The following CRACD variants were observed in gnomAD, a reference collection of about 807,000 sequenced individuals.
CRACD encodes the protein capping protein inhibiting regulator of actin dynamics, also known as capping protein-inhibiting regulator of actin dynamics.
Under a neutral mutation model 106.8 loss-of-function variants are expected in CRACD, and 56 were observed. The observed-to-expected ratio is 0.52, with a 90% CI of 0.42 to 0.66. The LOEUF (loss-of-function observed/expected upper bound fraction) is 0.66. Ranked by LOEUF, CRACD falls within the 30% of genes least tolerant of loss-of-function variation. The pLI, the probability that CRACD is intolerant of heterozygous loss-of-function variation, is 0.00. For synonymous variants in CRACD, 754 were observed against 670.8 expected (o/e 1.12, Z -1.92); for missense variants, 1,730 against 1,623.2 (o/e 1.07, Z -1.13).
chr4:56,188,641 CTCTCTCTA>C (rs1257742189), intron 2 of CRACD, among the ~76,000 whole-genome samples: 12 of 146,580 alleles, frequency 8.2e-5, no homozygotes, highest in African/African-American at 3.1e-4. Flanking sequence ...CTCTCTCTCT[CTCTCTCTA>C]TCTCTCTATT....
chr4:56,274,403 G>A (rs1742552566), intron 3 of CRACD, among the ~76,000 whole-genome samples: 1 of 152,126 alleles, frequency 6.6e-6, no homozygotes, highest in Non-Finnish European at 1.5e-5. Flanking sequence ...CATCCTTTTT[G>A]TAGTATAGTA....
At chr4:56,173,096 T>C (rs1011246497) in intron 1 of CRACD, among the ~76,000 whole-genome samples, 12 of 152,230 alleles carry the variant, frequency 7.9e-5, no homozygotes, top group Admixed American at 2.6e-4. Flanking sequence ...AAATTTGAAA[T>C]GCAGGCAACT....
intron 1 of CRACD, among the ~76,000 whole-genome samples, chr4:56,164,011 T>C (rs1038170120): frequency 2.6e-5 from 4 of 152,114 alleles, no homozygotes; most frequent in Non-Finnish European, 5.9e-5. Context: ...CCTCCCAAAG[T>C]GCTGGGATTA....
intron 1 of CRACD, among the ~76,000 whole-genome samples, chr4:56,155,106 G>A (rs1735723486): frequency 1.3e-5 from 2 of 151,974 alleles, no homozygotes; most frequent in Admixed American, 6.6e-5. Flanking sequence ...AATCTTAGTG[G>A]CTTGCAAGAA....
chr4:56,064,585 T>G (rs918401836), intron 1 of CRACD, among the ~76,000 whole-genome samples: 9 of 152,194 alleles, frequency 5.9e-5, no homozygotes, highest in Non-Finnish European at 1.0e-4. Context: ...GTCTCCCACC[T>G]TCTCTGGGAA....
intron 1 of CRACD, among the ~76,000 whole-genome samples, chr4:56,176,431 CT>C (rs3036818): frequency 5.5e-4 from 76 of 137,188 alleles, no homozygotes; most frequent in Middle Eastern, 3.7e-3. Flanking sequence ...CTTCCAATTT[CT>C]TTTTTTTTTT....
chr4:56,127,097 A>G (rs1455388112), intron 1 of CRACD, among the ~76,000 whole-genome samples: 1 of 152,094 alleles, frequency 6.6e-6, no homozygotes, highest in East Asian at 1.9e-4. Context: ...TGCTCTTATG[A>G]AAGGGCTTGA....
chr4:56,049,400 C>G (rs1181702200), intron 1 of CRACD, 101 bp downstream of exon 1: 1 of 152,046 alleles, frequency 6.6e-6, no homozygotes, highest in Non-Finnish European at 1.5e-5. Context: ...CCGCAGCGCC[C>G]CGGGACTCCA....
intron 2 of CRACD, among the ~76,000 whole-genome samples, chr4:56,269,476 C>CAG (rs889322064): frequency 1.1e-4 from 17 of 151,704 alleles, no homozygotes; most frequent in African/African-American, 4.1e-4. Context: ...GGGGAGGCTT[C>CAG]AGAGAGCTCT....
intron 1 of CRACD, among the ~76,000 whole-genome samples, chr4:56,167,300 G>A (rs182058288): frequency 5.9e-5 from 9 of 152,276 alleles, no homozygotes; most frequent in African/African-American, 1.4e-4. Flanking sequence ...GTTATTTTAA[G>A]AGAAAACAGA....
intron 2 of CRACD, among the ~76,000 whole-genome samples, chr4:56,267,035 GTC>G (rs1742060931): frequency 6.6e-6 from 1 of 152,046 alleles, no homozygotes; most frequent in Non-Finnish European, 1.5e-5. Flanking sequence ...TAATTTCTGA[GTC>G]TTTTCAGGAA....
intron 6 of CRACD, among the ~76,000 whole-genome samples, chr4:56,312,644 A>G (rs1343910945): frequency 1.3e-5 from 2 of 152,222 alleles, no homozygotes. Flanking sequence ...AAAGGGACTA[A>G]GTCCTGTGTA....
intron 1 of CRACD, among the ~76,000 whole-genome samples, chr4:56,161,285 A>C (rs1370690736): frequency 2.6e-5 from 4 of 152,294 alleles, no homozygotes; most frequent in Admixed American, 2.0e-4. Context: ...GTGTAAAATT[A>C]GGAGGGCCTG....
chr4:56,310,793 C>CA, intron 6 of CRACD, 59 bp downstream of exon 6: 1 of 949,810 alleles, frequency 1.1e-6, no homozygotes, highest in Non-Finnish European at 1.6e-6. Flanking sequence ...TCATCTTCCC[C>CA]CCCCCTTTTT....
intron 1 of CRACD, among the ~76,000 whole-genome samples, chr4:56,074,820 G>A (rs1446977677): frequency 6.6e-6 from 1 of 152,112 alleles, no homozygotes; most frequent in African/African-American, 2.4e-5. Flanking sequence ...TTGGTTGTGG[G>A]TTTGTCATGA....
intron 1 of CRACD, among the ~76,000 whole-genome samples, chr4:56,138,939 C>T (rs1735099082): frequency 6.6e-6 from 1 of 152,154 alleles, no homozygotes; most frequent in Non-Finnish European, 1.5e-5. Context: ...ATTATTAGAG[C>T]CTCCAATAAG....
intron 1 of CRACD, among the ~76,000 whole-genome samples, chr4:56,176,697 A>C (rs1736599899): frequency 6.6e-6 from 1 of 152,136 alleles, no homozygotes; most frequent in Non-Finnish European, 1.5e-5. Flanking sequence ...GGCCTCCCAA[A>C]GTGCTGGTAT....
At chr4:56,111,953 A>G (rs1365953376) in intron 1 of CRACD, among the ~76,000 whole-genome samples, 4 of 152,232 alleles carry the variant, frequency 2.6e-5, no homozygotes. Context: ...CCATGCATAC[A>G]TTACAGTTTG....
intron 1 of CRACD, among the ~76,000 whole-genome samples, chr4:56,163,708 C>T (rs1736038809): frequency 6.6e-6 from 1 of 151,950 alleles, no homozygotes; most frequent in Non-Finnish European, 1.5e-5. Flanking sequence ...CGATATCTTC[C>T]TGTTATTTTG....
Sources: allele counts gnomAD v4.1 joint callset (sites outside exome capture counted in the v4.1 genomes callset), GRCh38; gene constraint gnomAD v4.1.1; transcripts MANE v1.5; gene names NCBI Gene and HGNC (gene_info 2026-07-23, HGNC 2026-07-21).